Variants in SDCCAG8 observed in about 807,000 individuals in gnomAD.
SDCCAG8 encodes the protein SHH signaling and ciliogenesis regulator SDCCAG8, also known as serologically defined colon cancer antigen 8.
A neutral mutation model predicts 101.8 loss-of-function variants in SDCCAG8; 74 were observed. The observed-to-expected ratio is 0.73, with a 90% CI of 0.60 to 0.88. The LOEUF (loss-of-function observed/expected upper bound fraction) is 0.88, where lower values mean the gene tolerates loss of function less well. Ranked by LOEUF, SDCCAG8 falls within the 40% of genes least tolerant of loss-of-function variation. The probability of loss-of-function intolerance (pLI) is 0.00; values close to 1 mark genes in which losing one functional copy is unlikely to be tolerated. For synonymous variants in SDCCAG8, 281 were observed against 292.9 expected (o/e 0.96, Z 0.41); for missense variants, 787 against 822.6 (o/e 0.96, Z 0.53).
intron 16 of SDCCAG8, among the ~76,000 whole-genome samples, chr1:243,445,351 G>A (rs2148110088): frequency 6.6e-6 from 1 of 152,272 alleles, no homozygotes; most frequent in Admixed American, 6.5e-5. Flanking sequence ...GTAATGACTC[G>A]AATCCGTTTT....
intron 16 of SDCCAG8, among the ~76,000 whole-genome samples, chr1:243,438,309 C>G (rs1225907209): frequency 6.6e-6 from 1 of 152,212 alleles, no homozygotes; most frequent in Non-Finnish European, 1.5e-5. Context: ...GGCTGCTTTC[C>G]TTTTATCTAC....
intron 6 of SDCCAG8, among the ~76,000 whole-genome samples, chr1:243,299,808 C>G (rs972308639): frequency 6.6e-6 from 1 of 151,836 alleles, no homozygotes; most frequent in Non-Finnish European, 1.5e-5. Flanking sequence ...TATTTGGCTT[C>G]TTCTTTACCT....
chr1:243,266,286 A>T (rs1169135725), intron 1 of SDCCAG8, among the ~76,000 whole-genome samples: 1 of 151,212 alleles, frequency 6.6e-6, no homozygotes, highest in African/African-American at 2.4e-5. Flanking sequence ...GAGATTTTGT[A>T]CCCTTTGACC....
chr1:243,375,493 A>G (rs1030304449), intron 12 of SDCCAG8, among the ~76,000 whole-genome samples: 5 of 152,174 alleles, frequency 3.3e-5, no homozygotes, highest in Admixed American at 3.3e-4. Context: ...CCCTTTTCCA[A>G]ATTCGATCCC....
intron 12 of SDCCAG8, among the ~76,000 whole-genome samples, chr1:243,372,897 CATATCT>C (rs71981276): frequency 0.42 from 57,728 of 138,152 alleles, 11,915 homozygotes; most frequent in South Asian, 0.47. Context: ...ACTTGGGAAC[CATATCT>C]ATATCTATAT....
intron 16 of SDCCAG8, among the ~76,000 whole-genome samples, chr1:243,484,934 C>T (rs1664488529): frequency 6.6e-6 from 1 of 151,998 alleles, no homozygotes; most frequent in Admixed American, 6.5e-5. Flanking sequence ...GTCCCAGCTA[C>T]CTGGGAGGCT....
chr1:243,472,761 G>A (rs1465469291), intron 16 of SDCCAG8, among the ~76,000 whole-genome samples: 1 of 152,226 alleles, frequency 6.6e-6, no homozygotes, highest in Non-Finnish European at 1.5e-5. Flanking sequence ...CAGGACACAA[G>A]TCTAGAAATC....
chr1:243,269,724 C>T (rs992053482), intron 1 of SDCCAG8, among the ~76,000 whole-genome samples: 1 of 152,218 alleles, frequency 6.6e-6, no homozygotes, highest in African/African-American at 2.4e-5. Flanking sequence ...CTGCTCCTTT[C>T]GTCCCCCTCT....
At chr1:243,481,093 C>T (rs746345527) in intron 16 of SDCCAG8, among the ~76,000 whole-genome samples, 5 of 151,966 alleles carry the variant, frequency 3.3e-5, no homozygotes, top group Non-Finnish European at 7.4e-5. Context: ...GAGAGAGGCC[C>T]GAGGCTGAGA....
At chr1:243,281,641 C>A (rs1209872226) in intron 4 of SDCCAG8, among the ~76,000 whole-genome samples, 2 of 135,500 alleles carry the variant, frequency 1.5e-5, no homozygotes, top group African/African-American at 5.2e-5. Context: ...CTTTTTCTGC[C>A]TTCTCTGGCT....
At chr1:243,490,515 C>A (rs1484325859) in intron 17 of SDCCAG8, among the ~76,000 whole-genome samples, 1 of 152,220 alleles carries the variant, frequency 6.6e-6, no homozygotes, top group Non-Finnish European at 1.5e-5. Flanking sequence ...GAGAATTATT[C>A]CAGGTTGTGT....
chr1:243,275,745 G>C (rs1558219708), intron 4 of SDCCAG8, among the ~76,000 whole-genome samples: 2 of 150,374 alleles, frequency 1.3e-5, no homozygotes, highest in Non-Finnish European at 3.0e-5. Flanking sequence ...AGAGAACATA[G>C]TATAGGCCTT....
chr1:243,283,111 G>T (rs920301704), intron 4 of SDCCAG8, among the ~76,000 whole-genome samples: 1 of 152,086 alleles, frequency 6.6e-6, no homozygotes, highest in African/African-American at 2.4e-5. Context: ...GCCTTCCAAA[G>T]TGCTGGGATT....
At chr1:243,274,904 T>C (rs559369427) in intron 4 of SDCCAG8, among the ~76,000 whole-genome samples, 2 of 152,234 alleles carry the variant, frequency 1.3e-5, no homozygotes, top group Admixed American at 6.5e-5. Flanking sequence ...TTTCATAATA[T>C]GCTTTCATAT....
At chr1:243,440,222 G>A (rs2082441156) in intron 16 of SDCCAG8, among the ~76,000 whole-genome samples, 1 of 152,060 alleles carries the variant, frequency 6.6e-6, no homozygotes, top group Non-Finnish European at 1.5e-5. Flanking sequence ...CATTTGCCTG[G>A]CGTGTACAAA....
At chr1:243,404,076 T>C (rs2147981268) in intron 13 of SDCCAG8, among the ~76,000 whole-genome samples, 1 of 152,328 alleles carries the variant, frequency 6.6e-6, no homozygotes, top group South Asian at 2.1e-4. Flanking sequence ...AACTTCTGCC[T>C]CCTTGTGTAC....
rs187655287 is a variant in SDCCAG8 at position 243,332,603 on chromosome 1, G to A, written c.1221+1911G>A. 7.1e-4 allele frequency among the ~76,000 whole-genome samples: 107 copies of A among 150,450 alleles called. 1 individual carries two copies. The highest frequency in any genetic ancestry group is 1.3e-3 in the Non-Finnish European group (89 of 67,686). On this transcript the variant is annotated intron_variant, in intron 10 of 17. Coordinates refer to ENST00000366541, the MANE Select transcript of SDCCAG8 (RefSeq NM_006642.5). ...GTCCAGGTCTGCAGGTGATTATTGC[G>A]GTCTCAGTCTGGAGGTGATTATCAC...
At chr1:243,266,282 T>G (rs1370726820) in intron 1 of SDCCAG8, among the ~76,000 whole-genome samples, 1 of 152,108 alleles carries the variant, frequency 6.6e-6, no homozygotes, top group Non-Finnish European at 1.5e-5. Flanking sequence ...GTCTGAGATT[T>G]TGTACCCTTT....
At chr1:243,372,866 C>T (rs1408493039) in intron 12 of SDCCAG8, among the ~76,000 whole-genome samples, 1 of 146,632 alleles carries the variant, frequency 6.8e-6, no homozygotes, top group Non-Finnish European at 1.5e-5. Flanking sequence ...GGTATGGTGA[C>T]ACATGCCTGT....
Sources: allele counts gnomAD v4.1 joint callset (sites outside exome capture counted in the v4.1 genomes callset), GRCh38; gene constraint gnomAD v4.1.1; transcripts MANE v1.5; gene names NCBI Gene and HGNC (gene_info 2026-07-23, HGNC 2026-07-21).